Variants in RNF4 observed in about 807,000 individuals in gnomAD.
RNF4 encodes the protein E3 ubiquitin-protein ligase RNF4.
RNF4 carries 7 observed loss-of-function variants against 24.3 expected under a neutral mutation model. That is an observed-to-expected ratio of 0.29 (90% CI 0.16 to 0.54). The LOEUF (loss-of-function observed/expected upper bound fraction) is 0.54. Ranked by LOEUF, RNF4 falls within the 20% of genes least tolerant of loss-of-function variation. The pLI is 0.95. For synonymous variants in RNF4, 83 were observed against 84.3 expected (o/e 0.98, Z 0.09); for missense variants, 209 against 248.5 (o/e 0.84, Z 1.07).
chr4:2,511,005 G>T (rs1265886088), intron 4 of RNF4, among the ~76,000 whole-genome samples: 5 of 152,216 alleles, frequency 3.3e-5, no homozygotes, highest in Non-Finnish European at 1.5e-5. Flanking sequence ...TTAGTTACTT[G>T]TAACAACCTA....
intron 2 of RNF4, among the ~76,000 whole-genome samples, chr4:2,492,178 G>A (rs1735601875): frequency 6.6e-6 from 1 of 151,390 alleles, no homozygotes; most frequent in Admixed American, 6.6e-5. Context: ...CAGCCTGGGG[G>A]CAGAGCAAGA....
At chr4:2,509,012 G>A (rs550357747) in intron 4 of RNF4, among the ~76,000 whole-genome samples, 42 of 141,672 alleles carry the variant, frequency 3.0e-4, no homozygotes, top group African/African-American at 9.9e-4. Context: ...TCCACCTCCC[G>A]GGCTCAAGTG....
chr4:2,492,946 G>A (rs935345885), intron 2 of RNF4, among the ~76,000 whole-genome samples: 4 of 152,184 alleles, frequency 2.6e-5, no homozygotes, highest in East Asian at 1.9e-4. Context: ...TGAAAGTTAC[G>A]GTGTGGTTAT....
At chr4:2,495,230 C>G (rs537003936) in intron 2 of RNF4, among the ~76,000 whole-genome samples, 2 of 152,298 alleles carry the variant, frequency 1.3e-5, no homozygotes, top group East Asian at 3.9e-4. Context: ...CAAAACATCT[C>G]AAGCTGCCAT....
Position 2,512,152 on chromosome 4 carries a change from C to G in RNF4, c.214+187C>G, listed in dbSNP as rs1399337634. ...CCCCTTGTGCCTGCTGAAGAAACTT[C>G]ACCACTATCATTGAGCACTGAGCTA... On this transcript the variant is annotated intron_variant, in intron 5 of 7. Transcript: ENST00000314289. This position sits in a 1 kb window ranked among gnomAD's most constrained non-coding sequence, Gnocchi z 4.1. The G allele has an allele frequency of 3.1e-6, 2 of 651,370 alleles. No individual in the cohort carries two copies. The highest frequency in any genetic ancestry group is 5.4e-5 in the East Asian group (2 of 36,914). 40.3% of individuals were successfully genotyped at this position (651,370 alleles called of 1,614,324 possible).
intron 3 of RNF4, chr4:2,499,444 T>C (rs1241890094): frequency 1.2e-5 from 4 of 330,642 alleles, no homozygotes; most frequent in African/African-American, 6.8e-5. Context: ...ACCTCGCTAA[T>C]TTTGTATTTT....
intron 1 of RNF4, among the ~76,000 whole-genome samples, chr4:2,484,658 T>A (rs1489240052): frequency 4.1e-5 from 6 of 146,678 alleles, no homozygotes; most frequent in Non-Finnish European, 9.0e-5. Context: ...ATAATAGCTT[T>A]ATTGGGGGGG....
At chr4:2,513,292 G>A (rs190235703) in intron 7 of RNF4, among the ~76,000 whole-genome samples, 161 bp downstream of exon 7, 34 of 152,312 alleles carry the variant, frequency 2.2e-4, no homozygotes, top group African/African-American at 7.9e-4. Context: ...GGGAGAATGT[G>A]CCAGTTTCTC....
chr4:2,498,233 G>T (rs1449930471), intron 3 of RNF4, among the ~76,000 whole-genome samples: 42 of 152,134 alleles, frequency 2.8e-4, no homozygotes, highest in Admixed American at 2.7e-3. Flanking sequence ...AGCCAGGTTG[G>T]AGTGCAATCG....
At chr4:2,488,083 C>A (rs1378030655) in intron 1 of RNF4, among the ~76,000 whole-genome samples, 2 of 152,224 alleles carry the variant, frequency 1.3e-5, no homozygotes, top group Non-Finnish European at 2.9e-5. Flanking sequence ...CTAGATTCTG[C>A]ACAGAGGCTG....
At chr4:2,489,279 C>T (rs1179760397) in intron 1 of RNF4, among the ~76,000 whole-genome samples, 1 of 152,176 alleles carries the variant, frequency 6.6e-6, no homozygotes, top group Admixed American at 6.5e-5. Flanking sequence ...GGTAGACGGG[C>T]ACCCAGGGAC....
At chr4:2,503,143 A>G (rs911262549) in intron 4 of RNF4, among the ~76,000 whole-genome samples, 7 of 152,072 alleles carry the variant, frequency 4.6e-5, no homozygotes, top group African/African-American at 1.4e-4. Context: ...CCAAAGCACT[A>G]GGATTACAGG....
At chr4:2,487,020 C>G (rs1028629858) in intron 1 of RNF4, among the ~76,000 whole-genome samples, 1 of 152,168 alleles carries the variant, frequency 6.6e-6, no homozygotes, top group Non-Finnish European at 1.5e-5. Context: ...AAGGTGATGT[C>G]GAGGCACCTC....
chr4:2,486,772 C>T (rs1475500761), intron 1 of RNF4, among the ~76,000 whole-genome samples: 1 of 152,196 alleles, frequency 6.6e-6, no homozygotes, highest in Non-Finnish European at 1.5e-5. Flanking sequence ...TGGGTGTGGA[C>T]ATCAGGTGTT....
At chr4:2,487,737 G>A (rs1444689326) in intron 1 of RNF4, among the ~76,000 whole-genome samples, 1 of 152,182 alleles carries the variant, frequency 6.6e-6, no homozygotes, top group African/African-American at 2.4e-5. Flanking sequence ...TGTGCATTCT[G>A]TTGAGAGCAC....
intron 1 of RNF4, among the ~76,000 whole-genome samples, chr4:2,479,291 G>C (rs1735176618): frequency 6.6e-6 from 1 of 152,186 alleles, no homozygotes; most frequent in Admixed American, 6.6e-5. Flanking sequence ...TTGGACTTTT[G>C]AGTTAATGCT....
intron 1 of RNF4, among the ~76,000 whole-genome samples, chr4:2,485,108 GCC>G (rs1440249893): frequency 6.6e-6 from 1 of 152,062 alleles, no homozygotes; most frequent in African/African-American, 2.4e-5. Context: ...GTCACTTGAG[GCC>G]CCATTCAGCA....
rs755358618 is a variant in RNF4, at chr4:2,497,065, C to G, written c.68C>G (p.Ala23Gly). 1 of 1,609,646 alleles carries G rather than the reference C, an allele frequency of 6.2e-7. No individual in the cohort carries two copies. Among genetic ancestry groups the G allele is most frequent in the East Asian group, 2.2e-5 (1 of 44,740 alleles). The change falls in exon 3 of 8, where the codon GCA becomes GGA. Residue 23 changes from alanine (A) to glycine (G), a missense_variant. This residue lies in a region of RNF4 where 182 missense variants were observed against 197.2 expected (regional missense o/e 0.92). Transcript: ENST00000314289. Reference sequence around the variant, plus strand: ...CAAGCTCAGAAGCGAACTCGGGAAGCAACCTCCACCCCCGAGATCTCCTTG... The same window carrying G: ...CAAGCTCAGAAGCGAACTCGGGAAGGAACCTCCACCCCCGAGATCTCCTTG... ...SRQAQKRTRE[A>G]TSTPEISLEA...
chr4:2,498,457 G>C (rs975896957), intron 3 of RNF4, among the ~76,000 whole-genome samples: 1 of 152,028 alleles, frequency 6.6e-6, no homozygotes, highest in Non-Finnish European at 1.5e-5. Context: ...CAAAGTGCTG[G>C]GATTACAGGC....
Sources: allele counts gnomAD v4.1 joint callset (sites outside exome capture counted in the v4.1 genomes callset), GRCh38; gene constraint gnomAD v4.1.1; regional missense constraint gnomAD v4.1.1; non-coding constraint Gnocchi (gnomAD v3.1); transcripts MANE v1.5; gene names NCBI Gene and HGNC (gene_info 2026-07-23, HGNC 2026-07-21).